Variants in CUZD1 observed in about 807,000 individuals in gnomAD.
CUZD1 encodes the protein CUB and zona pellucida-like domain-containing protein 1.
Under a neutral mutation model 53.1 loss-of-function variants are expected in CUZD1, and 42 were observed. The observed-to-expected ratio is 0.79, with a 90% CI of 0.62 to 1.02. The LOEUF (loss-of-function observed/expected upper bound fraction) is 1.02, where lower values mean the gene tolerates loss of function less well. CUZD1 is among the 50% of genes least tolerant of loss of function. The pLI is 0.00. For missense variants in CUZD1, 670 were observed against 715.7 expected (o/e 0.94, Z 0.73); for synonymous variants, 238 against 257.2 (o/e 0.93, Z 0.71).
chr10:122,837,737 G>T, intron 3 of CUZD1, 183 bp from the exon 4 acceptor site: 1 of 526,628 alleles, frequency 1.9e-6, no homozygotes, highest in Non-Finnish European at 3.2e-6. Flanking sequence ...ACTGGTGCAG[G>T]GCAGAGAGGG....
intron 1 of CUZD1, among the ~76,000 whole-genome samples, chr10:122,844,330 T>G (rs1390488752): frequency 6.6e-6 from 1 of 152,146 alleles, no homozygotes; most frequent in Non-Finnish European, 1.5e-5. Context: ...GCCATCATGC[T>G]GAGCCTGAGA....
At chr10:122,845,718 G>T in intron 1 of CUZD1, 44 bp downstream of exon 1, 1 of 1,572,018 alleles carries the variant, frequency 6.4e-7, no homozygotes, top group South Asian at 1.1e-5. Context: ...CTTAAGAGAA[G>T]AACTTCTCTG....
intron 1 of CUZD1, among the ~76,000 whole-genome samples, chr10:122,843,565 A>G (rs1847378334): frequency 6.6e-6 from 1 of 152,130 alleles, no homozygotes; most frequent in South Asian, 2.1e-4. Context: ...GAATCCATGA[A>G]TGCTGAACCC....
intron 1 of CUZD1, among the ~76,000 whole-genome samples, chr10:122,843,901 TGTTA>T (rs1380603877): frequency 6.9e-6 from 1 of 145,612 alleles, no homozygotes; most frequent in African/African-American, 2.6e-5. Context: ...TTATATATAT[TGTTA>T]GATATATTTA....
Position 122,833,954 on chromosome 10 carries a change from T to G in CUZD1, c.1383-14A>C, listed in dbSNP as rs895568377. On this transcript the variant is annotated splice_polypyrimidine_tract_variant and intron_variant, in intron 7 of 8. Coordinates refer to ENST00000392790, the MANE Select transcript of CUZD1 (RefSeq NM_022034.6). ...TCTCGACTACATCTGGAACAGAATT[T>G]ATGAACATGTTTAGAAGATACAGAC... The G allele has an allele frequency of 6.2e-7, 1 of 1,606,468 alleles. No individual in the cohort carries two copies. Among genetic ancestry groups the G allele is most frequent in the African/African-American group, 1.3e-5 (1 of 74,582 alleles).
chr10:122,839,774 C>A (rs1566235710), intron 2 of CUZD1, among the ~76,000 whole-genome samples: 1 of 152,202 alleles, frequency 6.6e-6, no homozygotes, highest in African/African-American at 2.4e-5. Context: ...GTTTGCTGCA[C>A]ATTCTGACAG....
At chr10:122,838,909 ACT>A (rs1847293288) in intron 3 of CUZD1, 106 bp downstream of exon 3, 2 of 781,470 alleles carry the variant, frequency 2.6e-6, no homozygotes, top group Non-Finnish European at 4.3e-6. Context: ...GATAGAGAAG[ACT>A]CTGAGGGAAT....
chr10:122,838,235 T>G (rs1490316660), intron 3 of CUZD1: 1 of 152,350 alleles, frequency 6.6e-6, no homozygotes, highest in Admixed American at 6.5e-5. Flanking sequence ...CTTGAAAAGG[T>G]GGCCTGGGTC....
chr10:122,834,807 A>C lies in CUZD1; in HGVS notation c.1281T>G (p.Ser427Arg). The C allele has an allele frequency of 6.2e-7, 1 of 1,613,910 alleles. No homozygotes were observed. The highest frequency in any genetic ancestry group is 2.2e-5 in the East Asian group (1 of 44,862). ...CCAAATTTGGATCTGAGGTGTGCAG[A>C]CTAACTTGAACAAAAAGAGTTTGGT... Reference protein sequence around the residue: ...DLNQTLFVQVSLHTSDPNLVV... With the variant: ...DLNQTLFVQVRLHTSDPNLVV... The change falls in exon 7 of 9, where the codon AGT (serine) becomes AGG (arginine). Residue 427 changes from serine to arginine, a missense_variant. Transcript: ENST00000392790.
chr10:122,833,698 C>T lies in CUZD1; in HGVS notation c.1625G>A (p.Arg542Lys), dbSNP rs144406058. Residue 542 changes from arginine (R) to lysine (K), a missense_variant, in exon 8 of 9, where the codon AGG becomes AAG. Transcript: ENST00000392790. ...DSIIGPIRLK[R>K]DRSASGNSGF... is the part of the protein sequence containing the mutation. ...TGAATTGCCACTTGCACTTCGATCC[C>T]TTTTCAGACGAATGGGTCCTATGAT... The T allele has an allele frequency of 3.1e-4, 496 of 1,613,754 alleles. 1 individual carries two copies. Among genetic ancestry groups the T allele is most frequent in the East Asian group, 1.5e-3 (67 of 44,868 alleles).
chr10:122,836,895 A>G lies in CUZD1; in HGVS notation c.753T>C (p.Tyr251=), dbSNP rs757938786. ...NSLTVVLSTD[Y]ANSYRGFSAS... Reference sequence around the variant, plus strand: ...CAGAAAATCCCCGGTAAGAATTGGCATAATCTGTAGACAACACGACAGTCA... The same window carrying G: ...CAGAAAATCCCCGGTAAGAATTGGCGTAATCTGTAGACAACACGACAGTCA... Residue 251 remains tyrosine, a synonymous_variant, in exon 5 of 9, where the codon TAT becomes TAC. Transcript: ENST00000392790. 3.7e-6 allele frequency: 6 copies of G among 1,614,050 alleles called. No individual in the cohort carries two copies. Among genetic ancestry groups the G allele is most frequent in the African/African-American group, 2.7e-5 (2 of 74,932 alleles).
chr10:122,838,410 G>A (rs1050549060), intron 3 of CUZD1, among the ~76,000 whole-genome samples: 19 of 152,126 alleles, frequency 1.2e-4, no homozygotes, highest in Non-Finnish European at 2.5e-4. Context: ...ATTCTGCTTC[G>A]GATCACAGTG....
Position 122,834,845 on chromosome 10 carries a change from A to C in CUZD1, c.1243T>G (p.Tyr415Asp), listed in dbSNP as rs1420977830. The C allele has an allele frequency of 1.2e-6, 2 of 1,613,780 alleles. No homozygotes were observed. Among genetic ancestry groups the C allele is most frequent in the East Asian group, 4.5e-5 (2 of 44,872 alleles). The change falls in exon 7 of 9, where the codon TAT (tyrosine) becomes GAT (aspartate). Residue 415 changes from tyrosine (Y) to aspartate (D), a missense_variant. Coordinates refer to ENST00000392790, the MANE Select transcript of CUZD1 (RefSeq NM_022034.6). ...AAAAGAGTTTGGTTCAAATCCACATAATATGGTGATTCAAGTATAGTCTTT... is the reference window on the plus strand; with the variant it reads ...AAAAGAGTTTGGTTCAAATCCACATCATATGGTGATTCAAGTATAGTCTTT... The part of the protein sequence containing the change: ...FEKTILESPY[Y>D]VDLNQTLFVQ...
chr10:122,835,185 C>T (rs1489687669), intron 6 of CUZD1, 88 bp from the exon 7 acceptor site: 1 of 1,055,606 alleles, frequency 9.5e-7, no homozygotes, highest in Non-Finnish European at 1.3e-6. Context: ...CAGGTACAGA[C>T]ATAATTTTCT....
rs766229922 is a variant in CUZD1 at position 122,839,095 on chromosome 10, T to C, written c.370A>G (p.Thr124Ala). ...GCTGAGTCAGTAACTATTTGAAACG[T>C]CAATGTACTGGATGATGATTCAAAT... is the stretch of plus-strand genomic sequence containing the variant. ...PVFESSSSTL[T>A]FQIVTDSARI... is the part of the protein sequence containing the mutation. The change falls in exon 3 of 9, where the codon ACG (threonine) becomes GCG (alanine). Residue 124 changes from threonine to alanine, a missense_variant. Transcript: ENST00000392790. 7.4e-6 allele frequency: 12 copies of C among 1,614,052 alleles called. No homozygotes were observed. The African/African-American group carries it at 1.3e-4, about 18-fold the overall frequency.
At position 122,841,297 on chromosome 10, in the gene CUZD1, AC is replaced by A. The variant is rs1262804863; in HGVS notation, c.113del (p.Gly38ValfsTer11). 1.9e-6 allele frequency: 3 copies of A among 1,611,574 alleles called. No homozygotes were observed. Among genetic ancestry groups the A allele is most frequent in the East Asian group, 2.2e-5 (1 of 44,854 alleles). Reference sequence around the variant, plus strand: ...CTTTGTGGGTCTCTGCCATATTGGCACCCCCTAGACTGACTGTGCAGCTTGC... The same window carrying A: ...CTTTGTGGGTCTCTGCCATATTGGCACCCCTAGACTGACTGTGCAGCTTGC... ...GNASCTVSLG[G>X]ANMAETHKAM... On this transcript the variant is annotated frameshift_variant, in exon 2 of 9. Coordinates refer to ENST00000392790, the MANE Select transcript of CUZD1 (RefSeq NM_022034.6). LOFTEE classifies it high-confidence loss of function.
chr10:122,832,964 T>C (rs979744953), intron 8 of CUZD1, among the ~76,000 whole-genome samples: 1 of 152,372 alleles, frequency 6.6e-6, no homozygotes, highest in Non-Finnish European at 1.5e-5. Context: ...ATTTAACTTT[T>C]GTTTTTCTGT....
Position 122,841,301 on chromosome 10 carries a change from C to T in CUZD1, c.110G>A (p.Gly37Glu), listed in dbSNP as rs1318809881. The change falls in exon 2 of 9, where the codon GGG becomes GAG. Residue 37 changes from glycine (G) to glutamate (E), a missense_variant. Gly to Glu is a moderately conservative substitution (Grantham distance 98). Transcript: ENST00000392790. Reference protein sequence around the residue: ...EGNASCTVSLGGANMAETHKA... With the variant: ...EGNASCTVSLEGANMAETHKA... ...GTGGGTCTCTGCCATATTGGCACCC[C>T]CTAGACTGACTGTGCAGCTTGCATT... is the stretch of plus-strand genomic sequence containing the variant. 1 of 1,611,618 alleles carries T rather than the reference C, an allele frequency of 6.2e-7. No individual in the cohort carries two copies. Among genetic ancestry groups the T allele is most frequent in the Non-Finnish European group, 8.5e-7 (1 of 1,179,006 alleles).
chr10:122,844,061 C>T (rs1468357891), intron 1 of CUZD1, among the ~76,000 whole-genome samples: 1 of 150,930 alleles, frequency 6.6e-6, no homozygotes, highest in Non-Finnish European at 1.5e-5. Flanking sequence ...CAGAGTCTCA[C>T]TCTGTTACCT....
Sources: gnomAD v4.1 joint callset for allele counts (sites outside exome capture counted in the v4.1 genomes callset) on GRCh38, gnomAD v4.1.1 for gene constraint, MANE v1.5 for transcripts, NCBI Gene and HGNC (gene_info 2026-07-23, HGNC 2026-07-21) for gene names.